The following URGCP variants were observed in gnomAD, a reference collection of about 807,000 sequenced individuals.
The protein encoded by URGCP is up-regulator of cell proliferation.
URGCP carries 13 observed loss-of-function variants against 24.6 expected under a neutral mutation model. That is an observed-to-expected ratio of 0.53 (90% CI 0.34 to 0.84). The LOEUF (loss-of-function observed/expected upper bound fraction) is 0.84, where lower values mean the gene tolerates loss of function less well. Among genes scored for constraint, URGCP ranks in the 40% least tolerant of loss-of-function variants. The pLI, the probability that URGCP is intolerant of heterozygous loss-of-function variation, is 0.01. For synonymous variants in URGCP, 444 were observed against 487.2 expected, an observed-to-expected ratio of 0.91 and a Z score of 1.17; for missense variants, 899 against 1,194.3, an observed-to-expected ratio of 0.75 and a Z score of 3.64.
intron 5 of URGCP, chr7:43,881,111 G>A (rs946940012): frequency 1.5e-6 from 1 of 689,348 alleles, no homozygotes; most frequent in East Asian, 2.7e-5. Flanking sequence ...AGCTTTGCCT[G>A]AATGAAACTA....
rs1349427344 is a variant in URGCP, at chr7:43,878,283, G to A, written c.1180C>T (p.Arg394Cys). ...TTCAGAAATCTCAGGTTTGTGTTGC[G>A]CTTCCCACGGTAGGGACTCAGGATG... ...YFILSPYRGKRNTNLRFLNKL... is the reference protein window; with the variant it reads ...YFILSPYRGKCNTNLRFLNKL... The change falls in exon 6 of 6, where the codon CGC (arginine) becomes TGC (cysteine). Residue 394 changes from arginine (R) to cysteine (C), a missense_variant. Transcript: ENST00000453200. The surrounding 1 kb of genome is among the most constrained non-coding windows in gnomAD (Gnocchi z 5.6). 6.2e-7 allele frequency: 1 copy of A among 1,614,168 alleles called. No individual in the cohort carries two copies.
intron 1 of URGCP, among the ~76,000 whole-genome samples, chr7:43,917,436 T>TGGCCA (rs1477132630): frequency 1.3e-5 from 2 of 152,160 alleles, no homozygotes; most frequent in Non-Finnish European, 2.9e-5. Context: ...AGTGGCAAAC[T>TGGCCA]TTGCTGCAGG....
At chr7:43,905,359 G>C (rs2095899231) in intron 1 of URGCP, among the ~76,000 whole-genome samples, 1 of 152,048 alleles carries the variant, frequency 6.6e-6, no homozygotes. Flanking sequence ...CCCAGGGATG[G>C]TTCCCTGCTT....
At position 43,886,706 on chromosome 7, in the gene URGCP, T is replaced by A. The variant is rs570270571; in HGVS notation, c.112+709A>T. The stretch of plus-strand genomic sequence containing the variant: ...AGGTGGAAGCTGCAGTGAGCTGAGA[T>A]CGCGCCACTGCATTCCAGCCTGGGC... On this transcript the variant is annotated intron_variant, in intron 3 of 5. Transcript: ENST00000453200. Among the ~76,000 whole-genome samples, 5 of 152,248 alleles carry A rather than the reference T, an allele frequency of 3.3e-5. No individual in the cohort carries two copies. In the East Asian group the frequency reaches 9.6e-4, roughly 29 times the overall value.
chr7:43,902,454 G>A (rs2095892995), intron 1 of URGCP, among the ~76,000 whole-genome samples: 1 of 152,122 alleles, frequency 6.6e-6, no homozygotes, highest in African/African-American at 2.4e-5. Context: ...TTCTAGGGCA[G>A]GTCTTACTCC....
chr7:43,919,567 T>C, intron 1 of URGCP: 2 of 1,417,436 alleles, frequency 1.4e-6, no homozygotes, highest in Non-Finnish European at 2.0e-6. Context: ...AAGACCATGG[T>C]CCTGGATGTC....
rs746825342 is a variant in URGCP, at chr7:43,878,744, C to T, written c.719G>A (p.Trp240Ter). Residue 240 changes from tryptophan to a stop codon, truncating the protein, a stop_gained, in exon 6 of 6, where the codon TGG (tryptophan) becomes TAG (stop). Coordinates refer to ENST00000453200, the MANE Select transcript of URGCP (RefSeq NM_001077663.3). LOFTEE classifies it low-confidence loss of function (END_TRUNC). This position sits in a 1 kb window ranked among gnomAD's most constrained non-coding sequence, Gnocchi z 5.6. ...WAMRGIVRTW[W>*]SQPPRGMGSF... ...CCCCATGCCCCTTGGGGGCTGGGACCACCATGTCCTCACAATGCCCCGCAT... is the reference window on the plus strand; with the variant it reads ...CCCCATGCCCCTTGGGGGCTGGGACTACCATGTCCTCACAATGCCCCGCAT... 1 of 1,614,146 alleles carries T rather than the reference C, an allele frequency of 6.2e-7. No homozygotes were observed. The highest frequency in any genetic ancestry group is 1.7e-5 in the Admixed American group (1 of 60,016).
chr7:43,896,454 CAA>C (rs34790770), intron 1 of URGCP, among the ~76,000 whole-genome samples: 37 of 85,084 alleles, frequency 4.3e-4, no homozygotes, highest in Admixed American at 7.6e-4. Context: ...GACTCTGTCT[CAA>C]AAAAAAAAAA....
At position 43,877,525 on chromosome 7, in the gene URGCP, G is replaced by C. The variant is rs1237415258; in HGVS notation, c.1938C>G (p.Phe646Leu). ...GCAGCAGCTCCGAGGCCAAGCCTGG[G>C]AAGTGGGCAAAACGCCTCTGGCCTG... ...LPAGQRRFAH[F>L]PGLASELLLT... The change falls in exon 6 of 6, where the codon TTC becomes TTG. Residue 646 changes from phenylalanine (F) to leucine (L), a missense_variant. Coordinates refer to ENST00000453200, the MANE Select transcript of URGCP (RefSeq NM_001077663.3). 1 of 1,613,328 alleles carries C rather than the reference G, an allele frequency of 6.2e-7. No homozygotes were observed. Among genetic ancestry groups the C allele is most frequent in the East Asian group, 2.2e-5 (1 of 44,878 alleles).
At chr7:43,889,908 T>C (rs2095867870) in intron 1 of URGCP, among the ~76,000 whole-genome samples, 1 of 83,160 alleles carries the variant, frequency 1.2e-5, no homozygotes, top group Non-Finnish European at 2.9e-5. Context: ...CTGGAAGCAA[T>C]TTTTTTTTTT....
At chr7:43,922,206 T>G (rs572789127) in intron 1 of URGCP, among the ~76,000 whole-genome samples, 1 of 152,274 alleles carries the variant, frequency 6.6e-6, no homozygotes, top group African/African-American at 2.4e-5. Context: ...GGATTACAGG[T>G]GTGCACCATC....
chr7:43,892,122 A>C (rs1245869660), intron 1 of URGCP, among the ~76,000 whole-genome samples: 3 of 150,856 alleles, frequency 2.0e-5, no homozygotes, highest in Non-Finnish European at 4.4e-5. Flanking sequence ...TTCGCTATGT[A>C]GCCCAGGCTG....
Position 43,876,542 on chromosome 7 carries a change from C to T in URGCP, c.*125G>A, listed in dbSNP as rs1184531041. 11 of 1,078,038 alleles carry T rather than the reference C, an allele frequency of 1.0e-5. No homozygotes were observed. The highest frequency in any genetic ancestry group is 4.7e-5 in the East Asian group (2 of 42,292). The allele number at this position is 1,078,038 out of a possible 1,614,324, so 66.8% of individuals were successfully genotyped here. On this transcript the variant is annotated 3_prime_UTR_variant, in exon 6 of 6. Transcript: ENST00000453200. ...GAGACTCCAAACCCTGTCTTTTCCTCGTCTTCTCATGTCGATTGGGCACCA... is the reference window on the plus strand; with the variant it reads ...GAGACTCCAAACCCTGTCTTTTCCTTGTCTTCTCATGTCGATTGGGCACCA...
intron 1 of URGCP, among the ~76,000 whole-genome samples, chr7:43,922,782 A>G (rs1224771856): frequency 6.6e-6 from 1 of 151,976 alleles, no homozygotes. Context: ...GGGTCTTGCC[A>G]TGTTGCCCAA....
At chr7:43,889,188 T>C (rs971759042) in intron 1 of URGCP, 1 of 152,142 alleles carries the variant, frequency 6.6e-6, no homozygotes, top group African/African-American at 2.4e-5. Context: ...GCAGTCAGAA[T>C]AGTATCATTT....
intron 1 of URGCP, among the ~76,000 whole-genome samples, chr7:43,894,505 A>G (rs947201557): frequency 2.0e-5 from 3 of 152,036 alleles, no homozygotes; most frequent in Admixed American, 2.0e-4. Context: ...GGTGCATGCC[A>G]CCATGCCCAG....
intron 1 of URGCP, chr7:43,906,261 C>A: frequency 6.4e-6 from 1 of 157,070 alleles, no homozygotes; most frequent in South Asian, 1.9e-4. Context: ...CGCCGCGCCC[C>A]GGGCACCTCC....
intron 1 of URGCP, 100 bp downstream of exon 1, chr7:43,906,462 C>G: frequency 9.3e-7 from 1 of 1,073,436 alleles, no homozygotes; most frequent in Non-Finnish European, 1.1e-6. Flanking sequence ...GGGTCCGGGC[C>G]GCATCCCAGA....
At chr7:43,909,631 C>A (rs1371335022), upstream of URGCP, among the ~76,000 whole-genome samples, 1 of 151,992 alleles carries the variant, frequency 6.6e-6, no homozygotes, top group Non-Finnish European at 1.5e-5. Flanking sequence ...GAGGCTGAGG[C>A]AGGAGAATTG....
Sources: allele counts gnomAD v4.1 joint callset (sites outside exome capture counted in the v4.1 genomes callset), GRCh38; gene constraint gnomAD v4.1.1; non-coding constraint Gnocchi (gnomAD v3.1); transcripts MANE v1.5; gene names NCBI Gene and HGNC (gene_info 2026-07-23, HGNC 2026-07-21).